The following CHST13 variants were observed in gnomAD, a reference collection of about 807,000 sequenced individuals.
CHST13 encodes the protein C4ST-3.
Under a neutral mutation model 7.0 loss-of-function variants are expected in CHST13, and 1 was observed. That is an observed-to-expected ratio of 0.14 (90% confidence interval 0.05 to 0.68). The LOEUF (loss-of-function observed/expected upper bound fraction) is 0.68, where lower values mean the gene tolerates loss of function less well. CHST13 is among the 30% of genes least tolerant of loss of function. CHST13 has a pLI of 0.82. For synonymous variants in CHST13, 257 were observed against 240.9 expected, an observed-to-expected ratio of 1.07 and a Z score of -0.62; for missense variants, 572 against 507.9, an observed-to-expected ratio of 1.13 and a Z score of -1.21.
chr3:126,536,896 AACACAC>A (rs10670471), intron 2 of CHST13, among the ~76,000 whole-genome samples: 2,383 of 140,462 alleles, frequency 0.017, 35 homozygotes, highest in South Asian at 0.03. Context: ...CACACACACA[AACACAC>A]ACACACACAC....
In CHST13 at chr3:126,538,459, TC is replaced by T. The variant is rs759294677; in HGVS notation, c.180+2112del. ...CGCCTCAGGCAGAGCCAGGCCACAT[TC>T]CCCCCGAACCCCCGGACCCAGTGCT... On this transcript the variant is annotated intron_variant, in intron 2 of 2. Coordinates refer to ENST00000319340, the MANE Select transcript of CHST13 (RefSeq NM_152889.3). Among the ~76,000 whole-genome samples the T allele has an allele frequency of 2.6e-5, 4 of 151,820 alleles. No individual in the cohort carries two copies. The East Asian group carries it at 7.7e-4, about 29-fold the overall frequency.
intron 1 of CHST13, among the ~76,000 whole-genome samples, chr3:126,534,032 T>A (rs74413163): frequency 0.017 from 2,594 of 152,314 alleles, 39 homozygotes; most frequent in South Asian, 0.036. Context: ...TCTCTTGTAA[T>A]CCTTTCTTGT....
At chr3:126,524,974 A>C (rs2107560011) in intron 1 of CHST13, among the ~76,000 whole-genome samples, 1 of 152,286 alleles carries the variant, frequency 6.6e-6, no homozygotes, top group East Asian at 1.9e-4. Flanking sequence ...GCAGTTAGTC[A>C]TGACTCCGCA....
chr3:126,526,308 G>T (rs1311581557), intron 1 of CHST13, among the ~76,000 whole-genome samples: 1 of 152,226 alleles, frequency 6.6e-6, no homozygotes, highest in African/African-American at 2.4e-5. Context: ...AGTCCTGCTG[G>T]AGGGGCATCC....
At chr3:126,527,546 T>C (rs1936561126) in intron 1 of CHST13, 1 of 152,376 alleles carries the variant, frequency 6.6e-6, no homozygotes, top group South Asian at 2.1e-4. Flanking sequence ...GGGTCTCAAG[T>C]GCCCGTCTCT....
chr3:126,526,798 C>T (rs1180040928), intron 1 of CHST13, among the ~76,000 whole-genome samples: 4 of 152,236 alleles, frequency 2.6e-5, no homozygotes, highest in Admixed American at 2.6e-4. Context: ...ACCCCACCCT[C>T]ATCCCCAGTG....
rs769888325 is a variant in CHST13, at chr3:126,541,995, G to C, written c.443G>C (p.Arg148Pro). The C allele has an allele frequency of 2.6e-6, 4 of 1,560,866 alleles. No individual in the cohort carries two copies. In the South Asian group the frequency reaches 4.7e-5, roughly 18 times the overall value. Residue 148 changes from arginine to proline, a missense_variant, in exon 3 of 3, where the codon CGC (arginine) becomes CCC (proline). Physicochemically the swap from Arg to Pro is moderately radical, Grantham distance 103. Transcript: ENST00000319340. ...ISAQEAHAPG[R>P]LPSLADFSPA... The stretch of plus-strand genomic sequence containing the variant: ...GCGCAAGAGGCGCACGCGCCTGGCC[G>C]CCTGCCCTCACTGGCCGACTTCAGC...
At chr3:126,532,849 T>G (rs1441742298) in intron 1 of CHST13, among the ~76,000 whole-genome samples, 1 of 152,196 alleles carries the variant, frequency 6.6e-6, no homozygotes. Context: ...TGTAGATGAC[T>G]TTGGGGAGTA....
intron 1 of CHST13, among the ~76,000 whole-genome samples, chr3:126,531,864 C>T (rs1484418519): frequency 1.3e-5 from 2 of 152,146 alleles, no homozygotes; most frequent in South Asian, 2.1e-4. Context: ...CTAAGCTTAG[C>T]TTTTTAAGAA....
chr3:126,535,802 G>C (rs1936777722), intron 1 of CHST13, among the ~76,000 whole-genome samples: 1 of 152,278 alleles, frequency 6.6e-6, no homozygotes, highest in Non-Finnish European at 1.5e-5. Flanking sequence ...GTGGCACTGA[G>C]AGGCTACAGC....
In CHST13 at chr3:126,529,783, T is replaced by C. The variant is rs569461438; in HGVS notation, c.97+5354T>C. Among the ~76,000 whole-genome samples the C allele has an allele frequency of 8.1e-4, 124 of 152,256 alleles. 2 individuals carry two copies. The highest frequency in any genetic ancestry group is 5.6e-4 in the Non-Finnish European group (38 of 68,012). ...CCCTCCCATCATCCTGTCCCCCTTC[T>C]CTCCCCTGTCTCCCTAACCTCCTGC... is the stretch of plus-strand genomic sequence containing the variant. On this transcript the variant is annotated intron_variant, in intron 1 of 2. Coordinates refer to ENST00000319340, the MANE Select transcript of CHST13 (RefSeq NM_152889.3).
chr3:126,529,082 A>G (rs1936594280), intron 1 of CHST13: 3 of 372,038 alleles, frequency 8.1e-6, no homozygotes, highest in Non-Finnish European at 1.1e-5. Flanking sequence ...TGCTTGCTGG[A>G]CTAGGGAGTC....
intron 2 of CHST13, among the ~76,000 whole-genome samples, chr3:126,540,355 AGTCCATCAGCAGCCCAGT>A (rs1936932579): frequency 1.3e-5 from 2 of 152,008 alleles, no homozygotes; most frequent in Non-Finnish European, 2.9e-5. Flanking sequence ...GCCCAGTGTC[AGTCCATCAGCAGCCCAGT>A]GTCCATCAGC....
At chr3:126,532,490 T>C (rs1041772558) in intron 1 of CHST13, among the ~76,000 whole-genome samples, 10 of 152,236 alleles carry the variant, frequency 6.6e-5, no homozygotes, top group African/African-American at 1.9e-4. Flanking sequence ...TGCATGTGAA[T>C]ATCTCATGCT....
chr3:126,536,913 A>ACACACG (rs1259874785), intron 2 of CHST13, among the ~76,000 whole-genome samples: 1 of 151,126 alleles, frequency 6.6e-6, no homozygotes, highest in African/African-American at 2.4e-5. Context: ...ACACACACAC[A>ACACACG]CACACACACA....
At chr3:126,540,176 C>G (rs749017590) in intron 2 of CHST13, among the ~76,000 whole-genome samples, 75 of 152,248 alleles carry the variant, frequency 4.9e-4, no homozygotes, top group Non-Finnish European at 8.5e-4. Context: ...CTCCAAAGGC[C>G]GCTTTGGCCT....
At chr3:126,535,950 T>C (rs1482300656) in intron 1 of CHST13, among the ~76,000 whole-genome samples, 1 of 151,950 alleles carries the variant, frequency 6.6e-6, no homozygotes, top group Non-Finnish European at 1.5e-5. Flanking sequence ...AGTGGGTGAG[T>C]TTGGGTGATC....
intron 1 of CHST13, among the ~76,000 whole-genome samples, chr3:126,525,817 T>C (rs1400384403): frequency 2.6e-5 from 4 of 152,122 alleles, no homozygotes; most frequent in Non-Finnish European, 4.4e-5. Flanking sequence ...CATGTCTCCG[T>C]GGGACACCTC....
intron 1 of CHST13, chr3:126,529,425 C>A: frequency 7.8e-7 from 1 of 1,285,234 alleles, no homozygotes; most frequent in Non-Finnish European, 1.0e-6. Context: ...CACCCAGAGG[C>A]AGGGCAGCAT....
Sources: gnomAD v4.1 joint callset for allele counts (sites outside exome capture counted in the v4.1 genomes callset) on GRCh38, gnomAD v4.1.1 for gene constraint, MANE v1.5 for transcripts, NCBI Gene and HGNC (gene_info 2026-07-23, HGNC 2026-07-21) for gene names.